CACNB2: variants seen among roughly 807,000 people sequenced by gnomAD.
The protein encoded by CACNB2 is calcium voltage-gated channel auxiliary subunit beta 2, also known as voltage-dependent L-type calcium channel subunit beta-2.
CACNB2 carries 42 observed loss-of-function variants against 73.3 expected under a neutral mutation model. The ratio of observed to expected loss-of-function variants is 0.57; its 90% CI spans 0.45 to 0.74. The LOEUF is 0.74. Ranked by LOEUF, CACNB2 falls within the 30% of genes least tolerant of loss-of-function variation. The pLI is 0.00. For synonymous variants in CACNB2, 348 were observed against 310.3 expected, an observed-to-expected ratio of 1.12 and a Z score of -1.28; for missense variants, 940 against 853.0, an observed-to-expected ratio of 1.10 and a Z score of -1.27.
chr10:18,374,392 G>T (rs1182161198), intron 2 of CACNB2, among the ~76,000 whole-genome samples: 1 of 152,096 alleles, frequency 6.6e-6, no homozygotes, highest in African/African-American at 2.4e-5. Flanking sequence ...AGTATAAAGG[G>T]GAACAGGTGA....
chr10:18,387,395 G>A (rs2043280187), intron 2 of CACNB2, among the ~76,000 whole-genome samples: 4 of 152,086 alleles, frequency 2.6e-5, no homozygotes, highest in Admixed American at 2.6e-4. Flanking sequence ...CACTCGACTG[G>A]GAACCCCAAT....
At chr10:18,401,414 A>G (rs2043988176) in intron 2 of CACNB2, among the ~76,000 whole-genome samples, 1 of 152,206 alleles carries the variant, frequency 6.6e-6, no homozygotes, top group Admixed American at 6.5e-5. Context: ...TATCAGAGAA[A>G]ATAGCAGGTG....
chr10:18,337,664 C>T (rs556163955), intron 2 of CACNB2, among the ~76,000 whole-genome samples: 138 of 152,174 alleles, frequency 9.1e-4, no homozygotes, highest in Non-Finnish European at 1.4e-3. Flanking sequence ...CCCTCACTAA[C>T]GCTTCCAAAT....
chr10:18,174,495 C>T lies in CACNB2; in HGVS notation c.213+23520C>T, dbSNP rs546206503. ...CTTGGCTCACTGCAACTTCTGCCTTCAGGGTTCAAGCAATTCTCCTCCCTC... is the reference window on the plus strand; with the variant it reads ...CTTGGCTCACTGCAACTTCTGCCTTTAGGGTTCAAGCAATTCTCCTCCCTC... On this transcript the variant is annotated intron_variant, in intron 2 of 13. Coordinates refer to ENST00000324631, the MANE Select transcript of CACNB2 (RefSeq NM_201596.3). 2.0e-5 allele frequency among the ~76,000 whole-genome samples: 3 copies of T among 151,846 alleles called. No individual in the cohort carries two copies. In the East Asian group the frequency reaches 5.8e-4, roughly 29 times the overall value.
At chr10:18,489,807 A>G (rs1320191759) in intron 3 of CACNB2, among the ~76,000 whole-genome samples, 2 of 152,214 alleles carry the variant, frequency 1.3e-5, no homozygotes, top group Non-Finnish European at 2.9e-5. Flanking sequence ...TCACTTACAC[A>G]TTCCCTTCTC....
At chr10:18,317,069 C>T (rs1160083223) in intron 2 of CACNB2, among the ~76,000 whole-genome samples, 2 of 152,126 alleles carry the variant, frequency 1.3e-5, no homozygotes, top group Non-Finnish European at 2.9e-5. Flanking sequence ...CTCCCATGCA[C>T]TCATAAACTT....
At chr10:18,449,057 G>A (rs547078839) in intron 3 of CACNB2, among the ~76,000 whole-genome samples, 1 of 152,252 alleles carries the variant, frequency 6.6e-6, no homozygotes, top group African/African-American at 2.4e-5. Context: ...AATGGTGTTG[G>A]GGCAGCAGAG....
At chr10:18,400,757 CGGCTTTTG>C (rs1470706365) in intron 2 of CACNB2, 1 of 1,346,806 alleles carries the variant, frequency 7.4e-7, no homozygotes, top group East Asian at 3.0e-5. Flanking sequence ...AGTTGATGCT[CGGCTTTTG>C]AATGCACTTG....
chr10:18,315,944 G>A (rs567349082), intron 2 of CACNB2, among the ~76,000 whole-genome samples: 4 of 152,210 alleles, frequency 2.6e-5, no homozygotes, highest in Admixed American at 2.6e-4. Context: ...AGTACAGACA[G>A]TAGCAAAATC....
chr10:18,353,719 G>A (rs2041806522), intron 2 of CACNB2, among the ~76,000 whole-genome samples: 1 of 152,186 alleles, frequency 6.6e-6, no homozygotes, highest in African/African-American at 2.4e-5. Context: ...CAATTTGAGA[G>A]TATAAATTTG....
chr10:18,496,709 G>C (rs988941967), intron 3 of CACNB2, among the ~76,000 whole-genome samples: 6 of 150,120 alleles, frequency 4.0e-5, no homozygotes, highest in African/African-American at 1.5e-4. Flanking sequence ...AGCAACTCGG[G>C]AGGCTGAGGC....
chr10:18,287,589 G>T (rs1051594513), intron 2 of CACNB2, among the ~76,000 whole-genome samples: 1 of 152,086 alleles, frequency 6.6e-6, no homozygotes, highest in South Asian at 2.1e-4. Flanking sequence ...AGTGGCTCAC[G>T]CCTGTAATCC....
intron 2 of CACNB2, among the ~76,000 whole-genome samples, chr10:18,300,603 T>C (rs764634439): frequency 1.3e-5 from 2 of 152,158 alleles, no homozygotes; most frequent in Non-Finnish European, 2.9e-5. Context: ...ATTAACACCT[T>C]TAAAAAATGC....
chr10:18,172,990 A>T (rs1384872548), intron 2 of CACNB2, among the ~76,000 whole-genome samples: 7 of 140,542 alleles, frequency 5.0e-5, no homozygotes, highest in African/African-American at 1.9e-4. Context: ...GCACGATCTC[A>T]GCGCACTGCA....
intron 3 of CACNB2, among the ~76,000 whole-genome samples, chr10:18,424,654 A>C (rs2045506194): frequency 6.6e-6 from 1 of 152,082 alleles, no homozygotes; most frequent in Non-Finnish European, 1.5e-5. Flanking sequence ...ATTATGTCTT[A>C]CCATCTATAT....
At chr10:18,299,331 A>T (rs1009522727) in intron 2 of CACNB2, among the ~76,000 whole-genome samples, 1 of 152,076 alleles carries the variant, frequency 6.6e-6, no homozygotes, top group African/African-American at 2.4e-5. Context: ...GGTGGGAAGG[A>T]GTAGGAAGAA....
chr10:18,418,146 C>T (rs1427858424), intron 3 of CACNB2, among the ~76,000 whole-genome samples: 1 of 152,194 alleles, frequency 6.6e-6, no homozygotes, highest in Non-Finnish European at 1.5e-5. Flanking sequence ...GCCCTCTTGG[C>T]TCACTGCAAC....
intron 2 of CACNB2, among the ~76,000 whole-genome samples, chr10:18,328,561 A>G (rs1489260557): frequency 6.6e-6 from 1 of 152,238 alleles, no homozygotes; most frequent in Non-Finnish European, 1.5e-5. Context: ...CTGTTTGTCT[A>G]CACAGGCACT....
At chr10:18,320,102 G>C (rs960105663) in intron 2 of CACNB2, among the ~76,000 whole-genome samples, 20 of 151,346 alleles carry the variant, frequency 1.3e-4, no homozygotes, top group Middle Eastern at 3.4e-3. Context: ...TGCCGACCCC[G>C]CCACCCCAAG....
Sources: gnomAD v4.1 joint callset for allele counts (sites outside exome capture counted in the v4.1 genomes callset) on GRCh38, gnomAD v4.1.1 for gene constraint, MANE v1.5 for transcripts, NCBI Gene and HGNC (gene_info 2026-07-23, HGNC 2026-07-21) for gene names.